OR7D2: variants seen among roughly 807,000 people sequenced by gnomAD.
The protein encoded by OR7D2 is olfactory receptor family 7 subfamily D member 2, also known as olfactory receptor 7D2.
For synonymous variants in OR7D2, 158 were observed against 158.7 expected (o/e 1.00, Z 0.03); for missense variants, 370 against 384.1 (o/e 0.96, Z 0.31).
chr19:9,183,818 G>A (rs1472858290), intron 2 of OR7D2, among the ~76,000 whole-genome samples: 1 of 149,142 alleles, frequency 6.7e-6, no homozygotes, highest in East Asian at 2.0e-4. Context: ...TTAGCCGGGC[G>A]AGGTGGCGGG....
rs1490127722 is a variant in OR7D2, at chr19:9,188,513, C to T, written c.*1793C>T. 1.8e-5 allele frequency: 3 copies of T among 167,112 alleles called. No homozygotes were observed. The East Asian group carries it at 5.8e-4, about 32-fold the overall frequency. 10.4% of individuals were successfully genotyped at this position (167,112 alleles called of 1,614,324 possible). A position where few individuals can be genotyped will look rare whatever the true frequency, so the allele number is the denominator to read the frequency against. On this transcript the variant is annotated 3_prime_UTR_variant, in exon 3 of 3. Coordinates refer to ENST00000641288, the MANE Select transcript of OR7D2 (RefSeq NM_175883.4). ...TGATAAACATGGGGGTGTAAGTTAA[C>T]AATTAATCTCCAAGTAATTTCCTTG... is the stretch of plus-strand genomic sequence containing the variant.
rs1053243449 is a variant in OR7D2 at position 9,186,941 on chromosome 19, C to T, written c.*221C>T. 16 of 384,908 alleles carry T rather than the reference C, an allele frequency of 4.2e-5. No individual in the cohort carries two copies. The highest frequency in any genetic ancestry group is 6.0e-5 in the Non-Finnish European group (13 of 216,794). The allele number at this position is 384,908 out of a possible 1,614,324, so 23.8% of individuals were successfully genotyped here. On this transcript the variant is annotated 3_prime_UTR_variant, in exon 3 of 3. Coordinates refer to ENST00000641288, the MANE Select transcript of OR7D2 (RefSeq NM_175883.4). ...AGGCACTTTTTTTTCTTTTTTGAGA[C>T]GGAGTCTCACTCTGTCTCCCAGGCT...
chr19:9,186,101 T>C lies in OR7D2; in HGVS notation c.320T>C (p.Phe107Ser). The C allele has an allele frequency of 1.2e-6, 2 of 1,614,136 alleles. No individual in the cohort carries two copies. The highest frequency in any genetic ancestry group is 1.7e-6 in the Non-Finnish European group (2 of 1,180,004). The change falls in exon 3 of 3, where the codon TTT becomes TCT. Residue 107 changes from phenylalanine (F) to serine (S), a missense_variant. Phe to Ser is a radical substitution (Grantham distance 155). Transcript: ENST00000641288. ...ACACAGGTCTATTTCTCCATGTTTT[T>C]TCCTATTCTGGACACGCTACTCCTG... The part of the protein sequence containing the change: ...CLTQVYFSMF[F>S]PILDTLLLTV...
intron 2 of OR7D2, chr19:9,183,104 AG>A (rs2051002824): frequency 3.5e-6 from 1 of 285,002 alleles, no homozygotes; most frequent in Non-Finnish European, 7.4e-6. Context: ...GTTTCTCGTC[AG>A]GCCCACAGCC....
Position 9,187,273 on chromosome 19 carries a change from C to T in OR7D2, c.*553C>T, listed in dbSNP as rs891095502. The T allele has an allele frequency of 1.2e-5, 2 of 167,238 alleles. No homozygotes were observed. Among genetic ancestry groups the T allele is most frequent in the Admixed American group, 6.5e-5 (1 of 15,284 alleles). 10.4% of individuals were successfully genotyped at this position (167,238 alleles called of 1,614,324 possible). ...CAGTGTCCATTATTCTGTTATAATG[C>T]CCATGCGTATACATTGTTTAGCTCC... On this transcript the variant is annotated 3_prime_UTR_variant, in exon 3 of 3. Coordinates refer to ENST00000641288, the MANE Select transcript of OR7D2 (RefSeq NM_175883.4).
chr19:9,180,375 G>T (rs978843677), intron 1 of OR7D2, among the ~76,000 whole-genome samples: 1 of 152,082 alleles, frequency 6.6e-6, no homozygotes, highest in Non-Finnish European at 1.5e-5. Context: ...GCCTCTCAAA[G>T]TGCTGGGATT....
chr19:9,186,597 C>G lies in OR7D2; in HGVS notation c.816C>G (p.Ser272=), dbSNP rs61732246. 0.023 allele frequency: 37,417 copies of G among 1,613,922 alleles called. 541 individuals carry two copies. Among genetic ancestry groups the G allele is most frequent in the Non-Finnish European group, 0.027 (31,500 of 1,179,946 alleles). ...SAVTHSSQKI[S]VASVMYTVVT... is the part of the protein sequence containing the mutation. ...TGACTCACTCTTCCCAGAAAATCTC[C>G]GTGGCCTCGGTGATGTACACTGTGG... Residue 272 remains serine (S), a synonymous_variant, in exon 3 of 3, where the codon TCC becomes TCG. Coordinates refer to ENST00000641288, the MANE Select transcript of OR7D2 (RefSeq NM_175883.4).
chr19:9,188,697 C>T lies in OR7D2; in HGVS notation c.*1977C>T, dbSNP rs1034360871. The T allele has an allele frequency of 3.0e-5, 5 of 167,000 alleles. No homozygotes were observed. Among genetic ancestry groups the T allele is most frequent in the African/African-American group, 1.2e-4 (5 of 41,438 alleles). 10.3% of individuals were successfully genotyped at this position (167,000 alleles called of 1,614,324 possible). A position where few individuals can be genotyped will look rare whatever the true frequency, so the allele number is the denominator to read the frequency against. On this transcript the variant is annotated 3_prime_UTR_variant, in exon 3 of 3. Coordinates refer to ENST00000641288, the MANE Select transcript of OR7D2 (RefSeq NM_175883.4). ...TCTTAAGCTATTGATTGTTCACTGACTTTATTTCTATGTGTTTGCATGTGG... is the reference window on the plus strand; with the variant it reads ...TCTTAAGCTATTGATTGTTCACTGATTTTATTTCTATGTGTTTGCATGTGG...
chr19:9,179,279 T>G (rs1412487481), intron 1 of OR7D2, among the ~76,000 whole-genome samples, 156 bp downstream of exon 1: 1 of 152,178 alleles, frequency 6.6e-6, no homozygotes, highest in Non-Finnish European at 1.5e-5. Flanking sequence ...TATAGATGTC[T>G]TAAGGCATTG....
chr19:9,185,999 T>G lies in OR7D2; in HGVS notation c.218T>G (p.Phe73Cys). The stretch of plus-strand genomic sequence containing the variant: ...AACCTGTCCTGGGTTGACATCTGTT[T>G]CAGCACTTGCATCGTCCCCAAGATG... ...LSNLSWVDICFSTCIVPKMLV... is the reference protein window; with the variant it reads ...LSNLSWVDICCSTCIVPKMLV... The change falls in exon 3 of 3, where the codon TTC becomes TGC. Residue 73 changes from phenylalanine to cysteine, a missense_variant. By Grantham distance (205) the Phe-to-Cys change is radical. Coordinates refer to ENST00000641288, the MANE Select transcript of OR7D2 (RefSeq NM_175883.4). 2 of 1,614,168 alleles carry G rather than the reference T, an allele frequency of 1.2e-6. No individual in the cohort carries two copies. The highest frequency in any genetic ancestry group is 1.7e-6 in the Non-Finnish European group (2 of 1,180,038).
intron 2 of OR7D2, among the ~76,000 whole-genome samples, chr19:9,181,477 G>T (rs1234307232): frequency 2.3e-4 from 31 of 136,748 alleles, no homozygotes; most frequent in African/African-American, 7.6e-4. Flanking sequence ...TTGAGATGGG[G>T]TCTTGCTCTG....
intron 1 of OR7D2, among the ~76,000 whole-genome samples, chr19:9,179,507 T>A (rs573675121): frequency 6.6e-6 from 1 of 150,666 alleles, no homozygotes; most frequent in East Asian, 2.0e-4. Flanking sequence ...GCCACTGCAC[T>A]CCAGCCTGGG....
intron 2 of OR7D2, among the ~76,000 whole-genome samples, chr19:9,184,798 T>G (rs1034074127): frequency 6.6e-6 from 1 of 152,164 alleles, no homozygotes; most frequent in East Asian, 1.9e-4. Flanking sequence ...TGTATGTGTG[T>G]GTATATATAT....
Position 9,185,992 on chromosome 19 carries a change from A to G in OR7D2, c.211A>G (p.Ile71Val), listed in dbSNP as rs1335796205. 1 of 1,614,100 alleles carries G rather than the reference A, an allele frequency of 6.2e-7. No individual in the cohort carries two copies. ...CCTCTCCAACCTGTCCTGGGTTGAC[A>G]TCTGTTTCAGCACTTGCATCGTCCC... The part of the protein sequence containing the change: ...FFLSNLSWVD[I>V]CFSTCIVPKM... Residue 71 changes from isoleucine (I) to valine (V), a missense_variant, in exon 3 of 3, where the codon ATC (isoleucine) becomes GTC (valine). Ile to Val is a conservative substitution (Grantham distance 29). Transcript: ENST00000641288.
Position 9,186,696 on chromosome 19 carries a change from C to G in OR7D2, c.915C>G (p.Leu305=). ...TGAAGGGAGCCCTGGGGAGTCTCCT[C>G]AGCAGGGCAGCCTCTTGTTTGTGAT... is the stretch of plus-strand genomic sequence containing the variant. The part of the protein sequence containing the change: ...KDVKGALGSL[L]SRAASCL The change falls in exon 3 of 3, where the codon CTC becomes CTG. Residue 305 remains leucine, a synonymous_variant. Coordinates refer to ENST00000641288, the MANE Select transcript of OR7D2 (RefSeq NM_175883.4). 1 of 1,608,844 alleles carries G rather than the reference C, an allele frequency of 6.2e-7. No individual in the cohort carries two copies. The highest frequency in any genetic ancestry group is 1.3e-5 in the African/African-American group (1 of 74,844).
rs1467062688 is a variant in OR7D2, at chr19:9,185,687, G to C, written c.-13-82G>C. ...CAGTTGCAAATTCCTGGGCTCAAGT[G>C]ATCCTTCCATCTCAGCCTCCCGAGT... is the stretch of plus-strand genomic sequence containing the variant. On this transcript the variant is annotated intron_variant, in intron 2 of 2. Coordinates refer to ENST00000641288, the MANE Select transcript of OR7D2 (RefSeq NM_175883.4). The C allele has an allele frequency of 3.7e-6, 3 of 820,974 alleles. No individual in the cohort carries two copies. In the East Asian group the frequency reaches 7.9e-5, roughly 22 times the overall value. 50.9% of individuals were successfully genotyped at this position (820,974 alleles called of 1,614,324 possible). A position where few individuals can be genotyped will look rare whatever the true frequency, so the allele number is the denominator to read the frequency against.
chr19:9,186,523 G>C lies in OR7D2; in HGVS notation c.742G>C (p.Val248Leu), dbSNP rs761644862. 1 of 1,613,772 alleles carries C rather than the reference G, an allele frequency of 6.2e-7. No individual in the cohort carries two copies. Among genetic ancestry groups the C allele is most frequent in the Non-Finnish European group, 8.5e-7 (1 of 1,179,932 alleles). Residue 248 changes from valine to leucine, a missense_variant, in exon 3 of 3, where the codon GTT becomes CTT. By Grantham distance (32) the Val-to-Leu change is conservative (BLOSUM62 1). Coordinates refer to ENST00000641288, the MANE Select transcript of OR7D2 (RefSeq NM_175883.4). ...LSTCGSHLSV[V>L]SLFYGTGIGV... The stretch of plus-strand genomic sequence containing the variant: ...CACCTGTGGGTCTCACCTCTCCGTC[G>C]TTTCTTTATTTTATGGGACAGGCAT...
In OR7D2 at chr19:9,188,383, T is replaced by G. The variant is rs2051054880; in HGVS notation, c.*1663T>G. The G allele has an allele frequency of 6.1e-6, 1 of 164,862 alleles. No homozygotes were observed. Among genetic ancestry groups the G allele is most frequent in the African/African-American group, 2.4e-5 (1 of 41,438 alleles). The allele number at this position is 164,862 out of a possible 1,614,324, so 10.2% of individuals were successfully genotyped here. On this transcript the variant is annotated 3_prime_UTR_variant, in exon 3 of 3. Coordinates refer to ENST00000641288, the MANE Select transcript of OR7D2 (RefSeq NM_175883.4). Reference sequence around the variant, plus strand: ...CTGGGATTACAGGTGTGAGCCACTGTGCCTGGCCTTCTAGTTCTTTAAGAT... The same window carrying G: ...CTGGGATTACAGGTGTGAGCCACTGGGCCTGGCCTTCTAGTTCTTTAAGAT...
chr19:9,186,412 C>G lies in OR7D2; in HGVS notation c.631C>G (p.Leu211Val). Residue 211 changes from leucine to valine, a missense_variant, in exon 3 of 3, where the codon CTC (leucine) becomes GTC (valine). By Grantham distance (32) the Leu-to-Val change is conservative. Transcript: ENST00000641288. ...FMTGVLGVFP[L>V]LGIIFSYSRI... ...GACGGGTGTGCTGGGCGTTTTTCCC[C>G]TCCTTGGGATCATTTTCTCTTATTC... The G allele has an allele frequency of 6.2e-7, 1 of 1,614,216 alleles. No individual in the cohort carries two copies. Among genetic ancestry groups the G allele is most frequent in the Non-Finnish European group, 8.5e-7 (1 of 1,180,046 alleles).
Sources: allele counts gnomAD v4.1 joint callset (sites outside exome capture counted in the v4.1 genomes callset), GRCh38; gene constraint gnomAD v4.1.1; transcripts MANE v1.5; gene names NCBI Gene and HGNC (gene_info 2026-07-23, HGNC 2026-07-21).